The following QRICH1 variants were observed in gnomAD, a reference collection of about 807,000 sequenced individuals.
QRICH1 encodes glutamine rich 1, also known as transcriptional regulator QRICH1.
A neutral mutation model predicts 87.1 loss-of-function variants in QRICH1; 16 were observed. The ratio of observed to expected loss-of-function variants is 0.18; its 90% CI spans 0.12 to 0.28. The LOEUF (loss-of-function observed/expected upper bound fraction) is 0.28. QRICH1 is among the 10% of genes least tolerant of loss of function. The pLI, the probability that QRICH1 is intolerant of heterozygous loss-of-function variation, is 1.00. For synonymous variants in QRICH1, 367 were observed against 368.4 expected (o/e 1.00, Z 0.05); for missense variants, 647 against 951.7 (o/e 0.68, Z 4.21).
chr3:49,066,688 G>A (rs933588620), intron 2 of QRICH1, among the ~76,000 whole-genome samples: 4 of 152,032 alleles, frequency 2.6e-5, no homozygotes, highest in African/African-American at 9.7e-5. Context: ...ACTGCACCCA[G>A]ATGATTTTTC....
At chr3:49,093,451 T>G (rs2042318020) in intron 1 of QRICH1, 1 of 151,880 alleles carries the variant, frequency 6.6e-6, no homozygotes, top group Admixed American at 6.5e-5. Flanking sequence ...GCCGGCCCTC[T>G]GCTCAGCAGA....
Position 49,032,604 on chromosome 3 carries a change from C to T in QRICH1, c.2047+18G>A, listed in dbSNP as rs374319219. The T allele has an allele frequency of 4.2e-5, 65 of 1,550,564 alleles. No homozygotes were observed. In the South Asian group the frequency reaches 6.1e-4, roughly 15 times the overall value. ...ACAAGTAGCACCTGTTTTTGCCATC[C>T]CTGCCTCCTTTCCCTACCTTTCTGG... On this transcript the variant is annotated intron_variant, in intron 8 of 9. Transcript: ENST00000395443.
In QRICH1 at chr3:49,030,515, C is replaced by T. The variant is rs2093229302; in HGVS notation, c.2268G>A (p.Arg756=). 2 of 1,614,130 alleles carry T rather than the reference C, an allele frequency of 1.2e-6. No individual in the cohort carries two copies. Among genetic ancestry groups the T allele is most frequent in the South Asian group, 1.1e-5 (1 of 91,074 alleles). The part of the protein sequence containing the change: ...SREQMGQMLT[R]ILVIREIQEA... Reference sequence around the variant, plus strand: ...CCTGAATTTCTCTTATCACCAGGATCCGCGTCAGCATTTGTCCCATCTGCT... The same window carrying T: ...CCTGAATTTCTCTTATCACCAGGATTCGCGTCAGCATTTGTCCCATCTGCT... The change falls in exon 10 of 10, where the codon CGG becomes CGA. Residue 756 remains arginine (R), a synonymous_variant. Coordinates refer to ENST00000395443, the MANE Select transcript of QRICH1 (RefSeq NM_198880.3).
rs2042305544 is a variant in QRICH1, at chr3:49,092,922, T to A, written c.-22+990A>T. 2.0e-5 allele frequency among the ~76,000 whole-genome samples: 3 copies of A among 152,354 alleles called. No homozygotes were observed. In the South Asian group the frequency reaches 6.2e-4, roughly 32 times the overall value. ...CTGAGGCAAAGGTGGGCCTTTAATATAATAAAGTAAGCCCCTCCCACTTAC... is the reference window on the plus strand; with the variant it reads ...CTGAGGCAAAGGTGGGCCTTTAATAAAATAAAGTAAGCCCCTCCCACTTAC... On this transcript the variant is annotated intron_variant, in intron 1 of 9. Coordinates refer to ENST00000395443, the MANE Select transcript of QRICH1 (RefSeq NM_198880.3).
chr3:49,048,585 G>A (rs2093352275), intron 3 of QRICH1, among the ~76,000 whole-genome samples: 1 of 150,968 alleles, frequency 6.6e-6, no homozygotes, highest in South Asian at 2.1e-4. Context: ...TCAAGAGACT[G>A]AGACCATCCT....
At chr3:49,037,681 G>A (rs774931412) in intron 6 of QRICH1, among the ~76,000 whole-genome samples, 2 of 151,132 alleles carry the variant, frequency 1.3e-5, no homozygotes, top group Non-Finnish European at 2.9e-5. Context: ...ACAGTGAGCC[G>A]AGATTGCACC....
intron 1 of QRICH1, chr3:49,086,844 G>A (rs1209216447): frequency 1.3e-5 from 2 of 152,134 alleles, no homozygotes; most frequent in African/African-American, 2.4e-5. Flanking sequence ...TTCAATCCGT[G>A]ATGGACTAAA....
intron 3 of QRICH1, among the ~76,000 whole-genome samples, chr3:49,049,761 G>A (rs1030922644): frequency 3.3e-5 from 5 of 151,732 alleles, no homozygotes; most frequent in Non-Finnish European, 5.9e-5. Flanking sequence ...GCCTCCCAAA[G>A]TGCTGGGATT....
intron 7 of QRICH1, 93 bp from the exon 8 acceptor site, chr3:49,032,866 G>A: frequency 7.0e-7 from 1 of 1,426,808 alleles, no homozygotes; most frequent in Non-Finnish European, 9.4e-7. Context: ...AGGAGCCACT[G>A]CCCACATTCC....
chr3:49,053,217 G>A (rs549221802), intron 3 of QRICH1, among the ~76,000 whole-genome samples: 4 of 152,178 alleles, frequency 2.6e-5, no homozygotes, highest in South Asian at 2.1e-4. Context: ...GGCCAGGCGC[G>A]GTGGCTCACG....
At position 49,030,406 on chromosome 3, in the gene QRICH1, T is replaced by C; in HGVS notation, c.*46A>G. 6.3e-7 allele frequency: 1 copy of C among 1,574,926 alleles called. No homozygotes were observed. ...GCCTCTTCTTTAGTGTGAAAGTCTGTCTGGTTTTTCCTGGCTGGTTTCTCT... is the reference window on the plus strand; with the variant it reads ...GCCTCTTCTTTAGTGTGAAAGTCTGCCTGGTTTTTCCTGGCTGGTTTCTCT... On this transcript the variant is annotated 3_prime_UTR_variant, in exon 10 of 10. Transcript: ENST00000395443.
chr3:49,033,235 G>T lies in QRICH1; in HGVS notation c.1787-7C>A, dbSNP rs762907725. The T allele has an allele frequency of 4.6e-6, 7 of 1,515,914 alleles. No homozygotes were observed. In the South Asian group the frequency reaches 9.2e-5, roughly 20 times the overall value. 93.9% of individuals were successfully genotyped at this position (1,515,914 alleles called of 1,614,324 possible). A position where few individuals can be genotyped will look rare whatever the true frequency, so the allele number is the denominator to read the frequency against. ...TGGCTGGGCAAGACATAGCCTAGGAGGAATAGAGTACTGTCACAACAAGAG... is the reference window on the plus strand; with the variant it reads ...TGGCTGGGCAAGACATAGCCTAGGATGAATAGAGTACTGTCACAACAAGAG... On this transcript the variant is annotated splice_polypyrimidine_tract_variant and splice_region_variant and intron_variant, in intron 6 of 9. Coordinates refer to ENST00000395443, the MANE Select transcript of QRICH1 (RefSeq NM_198880.3).
chr3:49,081,417 A>T (rs1163775263), intron 1 of QRICH1, among the ~76,000 whole-genome samples: 1 of 138,484 alleles, frequency 7.2e-6, no homozygotes, highest in Non-Finnish European at 1.6e-5. Flanking sequence ...ACTCCATCTT[A>T]AAAAAAAAAA....
chr3:49,072,425 CTGAGGTGGGAGGATTGCT>C (rs1463371380), intron 2 of QRICH1, among the ~76,000 whole-genome samples: 29 of 151,668 alleles, frequency 1.9e-4, no homozygotes, highest in African/African-American at 6.3e-4. Flanking sequence ...ACTCGGGAGG[CTGAGGTGGGAGGATTGCT>C]TGAGCCTGGG....
At chr3:49,040,140 T>C (rs1477661321) in intron 6 of QRICH1, among the ~76,000 whole-genome samples, 1 of 152,246 alleles carries the variant, frequency 6.6e-6, no homozygotes, top group African/African-American at 2.4e-5. Context: ...TATTGTTTAT[T>C]TATGTTTGAA....
At chr3:49,054,037 T>C (rs1202329222) in intron 3 of QRICH1, among the ~76,000 whole-genome samples, 1 of 152,344 alleles carries the variant, frequency 6.6e-6, no homozygotes, top group East Asian at 1.9e-4. Context: ...TCCCTTGGGA[T>C]GGAAAATCGG....
chr3:49,067,113 G>A (rs916040954), intron 2 of QRICH1, among the ~76,000 whole-genome samples: 4 of 152,110 alleles, frequency 2.6e-5, no homozygotes, highest in Non-Finnish European at 5.9e-5. Context: ...GTGGCTAATG[G>A]CTATTGTTAG....
In QRICH1 at chr3:49,076,994, G is replaced by A; in HGVS notation, c.24C>T (p.Thr8=). The change falls in exon 2 of 10, where the codon ACC becomes ACT. Residue 8 remains threonine, a synonymous_variant. Coordinates refer to ENST00000395443, the MANE Select transcript of QRICH1 (RefSeq NM_198880.3). The stretch of plus-strand genomic sequence containing the variant: ...CTCGGATGTACTCTTCAAAGGAGAT[G>A]GTGTTCTCTAGGGAATTATTCATAT... MNNSLEN[T]ISFEEYIRVK... 1 of 1,512,224 alleles carries A rather than the reference G, an allele frequency of 6.6e-7. No individual in the cohort carries two copies. Among genetic ancestry groups the A allele is most frequent in the Non-Finnish European group, 8.9e-7 (1 of 1,120,796 alleles). 93.7% of individuals were successfully genotyped at this position (1,512,224 alleles called of 1,614,324 possible).
rs2042331375 is a variant in QRICH1 at position 49,093,934 on chromosome 3, C to T, written c.-44G>A. The T allele has an allele frequency of 5.0e-6, 2 of 403,324 alleles. No homozygotes were observed. The highest frequency in any genetic ancestry group is 8.6e-6 in the Non-Finnish European group (2 of 231,426). The allele number at this position is 403,324 out of a possible 1,614,324, so 25.0% of individuals were successfully genotyped here. On this transcript the variant is annotated 5_prime_UTR_variant, in exon 1 of 10. Coordinates refer to ENST00000395443, the MANE Select transcript of QRICH1 (RefSeq NM_198880.3). Reference sequence around the variant, plus strand: ...CACCCGGCGACGTCACTGCCGCCGCCGCCGCCGCCTCCGCTGCACCCGCCG... The same window carrying T: ...CACCCGGCGACGTCACTGCCGCCGCTGCCGCCGCCTCCGCTGCACCCGCCG...
Sources: gnomAD v4.1 joint callset for allele counts (sites outside exome capture counted in the v4.1 genomes callset) on GRCh38, gnomAD v4.1.1 for gene constraint, MANE v1.5 for transcripts, NCBI Gene and HGNC (gene_info 2026-07-23, HGNC 2026-07-21) for gene names.